Variants in MAGI2 observed in about 807,000 individuals in gnomAD.
The protein encoded by MAGI2 is membrane-associated guanylate kinase, WW and PDZ domain-containing protein 2.
A neutral mutation model predicts 133.3 loss-of-function variants in MAGI2; 35 were observed. That is an observed-to-expected ratio of 0.26 (90% CI 0.20 to 0.35). The LOEUF (loss-of-function observed/expected upper bound fraction) is 0.35, where lower values mean the gene tolerates loss of function less well. Ranked by LOEUF, MAGI2 falls within the 10% of genes least tolerant of loss-of-function variation. MAGI2 has a pLI of 1.00. For missense variants in MAGI2, 1,636 were observed against 1,863.4 expected, an observed-to-expected ratio of 0.88 and a Z score of 2.25; for synonymous variants, 729 against 710.6, an observed-to-expected ratio of 1.03 and a Z score of -0.41.
intron 21 of MAGI2, among the ~76,000 whole-genome samples, chr7:78,038,868 T>G (rs1283488685): frequency 6.6e-6 from 1 of 152,240 alleles, no homozygotes; most frequent in Non-Finnish European, 1.5e-5. Flanking sequence ...CGTGGGCGTT[T>G]TCACTGAGCC....
chr7:78,871,129 T>G (rs1456575609), intron 2 of MAGI2, among the ~76,000 whole-genome samples: 1 of 151,882 alleles, frequency 6.6e-6, no homozygotes, highest in Admixed American at 6.6e-5. Flanking sequence ...GCTAACACGG[T>G]GAAACCCCAT....
At chr7:78,476,583 G>A (rs1791772828) in intron 6 of MAGI2, among the ~76,000 whole-genome samples, 1 of 151,970 alleles carries the variant, frequency 6.6e-6, no homozygotes, top group Non-Finnish European at 1.5e-5. Flanking sequence ...CTTGGGAATT[G>A]TGGTTCTAAA....
intron 1 of MAGI2, among the ~76,000 whole-genome samples, chr7:79,391,190 C>T (rs1008178411): frequency 6.6e-6 from 1 of 151,962 alleles, no homozygotes; most frequent in Non-Finnish European, 1.5e-5. Context: ...GCCTAAATGT[C>T]TCAGATACTT....
intron 6 of MAGI2, among the ~76,000 whole-genome samples, chr7:78,445,089 A>T (rs1247755554): frequency 6.6e-6 from 1 of 151,654 alleles, no homozygotes; most frequent in Non-Finnish European, 1.5e-5. Flanking sequence ...TTTTAGGAAA[A>T]TGTCTAAATT....
intron 2 of MAGI2, among the ~76,000 whole-genome samples, chr7:78,645,044 C>T (rs1286760686): frequency 7.3e-6 from 1 of 137,704 alleles, no homozygotes; most frequent in Non-Finnish European, 1.7e-5. Context: ...AAAGATATAA[C>T]TAAAGCATGT....
chr7:78,952,085 C>T (rs972137829), intron 2 of MAGI2, among the ~76,000 whole-genome samples: 3 of 152,134 alleles, frequency 2.0e-5, no homozygotes. Context: ...TAAAATCTGG[C>T]TCCAAACTAC....
intron 1 of MAGI2, among the ~76,000 whole-genome samples, chr7:79,401,208 T>C (rs1445350891): frequency 6.6e-6 from 1 of 152,190 alleles, no homozygotes; most frequent in Non-Finnish European, 1.5e-5. Flanking sequence ...GATTTGTGTA[T>C]AGATACACAT....
At chr7:79,288,168 C>A (rs569924931) in intron 1 of MAGI2, among the ~76,000 whole-genome samples, 1 of 152,262 alleles carries the variant, frequency 6.6e-6, no homozygotes, top group South Asian at 2.1e-4. Context: ...TGCCTGTGTT[C>A]AAAGCCTGGC....
At chr7:78,046,388 C>T (rs536614802) in intron 21 of MAGI2, among the ~76,000 whole-genome samples, 8 of 147,564 alleles carry the variant, frequency 5.4e-5, no homozygotes, top group African/African-American at 1.3e-4. Context: ...GGTAACAGAG[C>T]GAGACTCTGT....
intron 3 of MAGI2, among the ~76,000 whole-genome samples, chr7:78,553,258 G>C (rs559273289): frequency 2.6e-5 from 4 of 152,038 alleles, no homozygotes; most frequent in Non-Finnish European, 5.9e-5. Flanking sequence ...CATTTTCGTA[G>C]CTTTATTTTA....
In MAGI2 at chr7:78,394,780, C is replaced by T. The variant is rs539524611; in HGVS notation, c.1046-25567G>A. Among the ~76,000 whole-genome samples the T allele has an allele frequency of 3.3e-5, 5 of 152,270 alleles. No homozygotes were observed. In the South Asian group the frequency reaches 1.0e-3, roughly 32 times the overall value. ...CATCGATCTTTGCATTGCTATTTCT[C>T]AATGGTTGTTGCATTCCCAACATCC... On this transcript the variant is annotated intron_variant, in intron 6 of 21. Transcript: ENST00000354212.
intron 2 of MAGI2, among the ~76,000 whole-genome samples, chr7:78,899,350 T>C (rs1053258997): frequency 6.6e-6 from 1 of 152,174 alleles, no homozygotes; most frequent in African/African-American, 2.4e-5. Flanking sequence ...TTCTTCTTTC[T>C]CCTGCTTTTG....
At chr7:78,072,805 C>T (rs1029479780) in intron 21 of MAGI2, 2 of 397,198 alleles carry the variant, frequency 5.0e-6, no homozygotes, top group Non-Finnish European at 8.9e-6. Flanking sequence ...GTAGCTGGGA[C>T]CACAGGAGTA....
At chr7:78,716,156 T>G (rs981855086) in intron 2 of MAGI2, among the ~76,000 whole-genome samples, 2 of 152,188 alleles carry the variant, frequency 1.3e-5, no homozygotes, top group Non-Finnish European at 2.9e-5. Flanking sequence ...TTACTGAAGT[T>G]TTCAAGGAAT....
chr7:79,205,142 A>C (rs778179665), intron 1 of MAGI2, among the ~76,000 whole-genome samples: 1 of 151,992 alleles, frequency 6.6e-6, no homozygotes, highest in Non-Finnish European at 1.5e-5. Flanking sequence ...ATTCTCACAT[A>C]ATGTCAAATC....
chr7:78,080,261 T>G (rs1388844203), intron 20 of MAGI2, among the ~76,000 whole-genome samples: 2 of 152,236 alleles, frequency 1.3e-5, no homozygotes, highest in African/African-American at 4.8e-5. Context: ...TCCACTGTAA[T>G]GAAGGTAAAG....
chr7:78,955,269 A>G (rs1411728484), intron 2 of MAGI2, among the ~76,000 whole-genome samples: 1 of 152,094 alleles, frequency 6.6e-6, no homozygotes, highest in Non-Finnish European at 1.5e-5. Flanking sequence ...CTTTGCATTT[A>G]TACATATATG....
chr7:78,254,982 C>T (rs1047389821), intron 10 of MAGI2: 4 of 152,266 alleles, frequency 2.6e-5, no homozygotes, highest in Non-Finnish European at 4.4e-5. Flanking sequence ...GGCTGAGGCT[C>T]ATTGACTTTC....
intron 5 of MAGI2, among the ~76,000 whole-genome samples, chr7:78,498,566 G>A (rs117710246): frequency 5.1e-4 from 78 of 152,264 alleles, no homozygotes; most frequent in Admixed American, 9.8e-4. Context: ...AAAAAGTAAA[G>A]CACAGTAAAC....
Sources: gnomAD v4.1 joint callset for allele counts (sites outside exome capture counted in the v4.1 genomes callset) on GRCh38, gnomAD v4.1.1 for gene constraint, MANE v1.5 for transcripts, NCBI Gene and HGNC (gene_info 2026-07-23, HGNC 2026-07-21) for gene names.